The following GRID1 variants were observed in gnomAD, a reference collection of about 807,000 sequenced individuals.
The protein encoded by GRID1 is glutamate ionotropic receptor delta type subunit 1.
GRID1 carries 28 observed loss-of-function variants against 98.0 expected under a neutral mutation model. The ratio of observed to expected loss-of-function variants is 0.29; its 90% CI spans 0.21 to 0.39. The LOEUF is 0.39. Among genes scored for constraint, GRID1 ranks in the 10% least tolerant of loss-of-function variants. GRID1 has a pLI of 1.00. For missense variants in GRID1, 1,111 were observed against 1,340.5 expected (o/e 0.83, Z 2.67); for synonymous variants, 553 against 538.5 (o/e 1.03, Z -0.37).
At position 86,017,390 on chromosome 10, in the gene GRID1, A is replaced by T. The variant is rs565140331; in HGVS notation, c.727-101151T>A. Reference sequence around the variant, plus strand: ...AAAGAAGGCTGGACTACAGGGTCTCATGTTATATTTTAGTAAGCACTGACC... The same window carrying T: ...AAAGAAGGCTGGACTACAGGGTCTCTTGTTATATTTTAGTAAGCACTGACC... On this transcript the variant is annotated intron_variant, in intron 4 of 15. Coordinates refer to ENST00000327946, the MANE Select transcript of GRID1 (RefSeq NM_017551.3). 2.0e-5 allele frequency among the ~76,000 whole-genome samples: 3 copies of T among 152,324 alleles called. No individual in the cohort carries two copies. In the South Asian group the frequency reaches 6.2e-4, roughly 32 times the overall value.
At chr10:86,318,862 A>C (rs1847932889) in intron 2 of GRID1, among the ~76,000 whole-genome samples, 1 of 152,242 alleles carries the variant, frequency 6.6e-6, no homozygotes, top group South Asian at 2.1e-4. Context: ...CTAGCAGGAG[A>C]GAAAGCACTA....
intron 13 of GRID1, among the ~76,000 whole-genome samples, chr10:85,631,563 A>G (rs929468641): frequency 2.0e-5 from 3 of 152,236 alleles, no homozygotes; most frequent in African/African-American, 7.2e-5. Context: ...AAGGAAAAAG[A>G]AAAGTCCTAA....
intron 4 of GRID1, among the ~76,000 whole-genome samples, chr10:86,101,260 C>A (rs574430295): frequency 1.3e-5 from 2 of 152,284 alleles, no homozygotes; most frequent in South Asian, 2.1e-4. Context: ...ATTTATCACC[C>A]TAACTAGGAC....
chr10:86,289,013 A>G (rs1847474212), intron 2 of GRID1, among the ~76,000 whole-genome samples: 1 of 152,162 alleles, frequency 6.6e-6, no homozygotes, highest in South Asian at 2.1e-4. Context: ...ATATGTGTAG[A>G]CACCACTGTT....
intron 2 of GRID1, among the ~76,000 whole-genome samples, chr10:86,280,690 C>G (rs1847345744): frequency 6.6e-6 from 1 of 152,128 alleles, no homozygotes; most frequent in African/African-American, 2.4e-5. Context: ...CATGACCTGG[C>G]CCCCTACCTA....
chr10:85,834,050 G>T (rs902504855), intron 8 of GRID1, among the ~76,000 whole-genome samples: 2 of 152,166 alleles, frequency 1.3e-5, no homozygotes, highest in African/African-American at 4.8e-5. Context: ...CGAAGAGAAA[G>T]AGACTGAGGC....
intron 2 of GRID1, among the ~76,000 whole-genome samples, chr10:86,257,014 T>C (rs1846931146): frequency 2.0e-5 from 3 of 152,246 alleles, no homozygotes; most frequent in Admixed American, 2.0e-4. Context: ...TGCATCTCCC[T>C]AGCACTGATA....
Position 86,195,648 on chromosome 10 carries a change from G to A in GRID1, c.520+10716C>T, listed in dbSNP as rs1344082681. On this transcript the variant is annotated intron_variant, in intron 3 of 15. Transcript: ENST00000327946. This position sits in a 1 kb window ranked among gnomAD's most constrained non-coding sequence, Gnocchi z 4.4. ...TTGGCAGCAAACAAGCCCCCGCGGC[G>A]ACCACGCCATCAGGTGGGTAAGAGG... Among the ~76,000 whole-genome samples, 7 of 152,154 alleles carry A rather than the reference G, an allele frequency of 4.6e-5. 1 individual carries two copies. The highest frequency in any genetic ancestry group is 8.8e-5 in the Non-Finnish European group (6 of 67,992).
chr10:86,114,116 C>G lies in GRID1; in HGVS notation c.726+24703G>C, dbSNP rs555359098. Among the ~76,000 whole-genome samples, 11 of 152,110 alleles carry G rather than the reference C, an allele frequency of 7.2e-5. No homozygotes were observed. The East Asian group carries it at 2.1e-3, about 30-fold the overall frequency. Reference sequence around the variant, plus strand: ...CCCTGAAGGAGGGTGGGGCCTCATTCCCCAGCAGGGGCTCTCTGCACAGGG... The same window carrying G: ...CCCTGAAGGAGGGTGGGGCCTCATTGCCCAGCAGGGGCTCTCTGCACAGGG... On this transcript the variant is annotated intron_variant, in intron 4 of 15. Transcript: ENST00000327946.
At chr10:86,123,292 C>T (rs763130745) in intron 4 of GRID1, among the ~76,000 whole-genome samples, 7 of 152,170 alleles carry the variant, frequency 4.6e-5, no homozygotes, top group South Asian at 2.1e-4. Flanking sequence ...TGGAACCTAC[C>T]GGTGATGCTG....
At chr10:86,270,639 G>A (rs1365491643) in intron 2 of GRID1, among the ~76,000 whole-genome samples, 1 of 152,048 alleles carries the variant, frequency 6.6e-6, no homozygotes, top group Non-Finnish European at 1.5e-5. Flanking sequence ...GCAGTGAGCC[G>A]AGATTGTGCC....
At chr10:85,838,546 T>C (rs1438859844) in intron 8 of GRID1, among the ~76,000 whole-genome samples, 1 of 152,186 alleles carries the variant, frequency 6.6e-6, no homozygotes, top group African/African-American at 2.4e-5. Context: ...CAGAATTTCA[T>C]ATCCAGCCAA....
At chr10:86,067,626 C>T (rs765673013) in intron 4 of GRID1, among the ~76,000 whole-genome samples, 4 of 152,250 alleles carry the variant, frequency 2.6e-5, no homozygotes, top group Non-Finnish European at 4.4e-5. Context: ...CCTCCACCAC[C>T]GGGTGTGCCC....
At chr10:86,159,711 G>A (rs1356104233) in intron 3 of GRID1, among the ~76,000 whole-genome samples, 1 of 152,162 alleles carries the variant, frequency 6.6e-6, no homozygotes, top group Non-Finnish European at 1.5e-5. Context: ...CAGAGGCAGG[G>A]GGCACAGGGC....
At chr10:85,874,719 G>A (rs989234021) in intron 5 of GRID1, among the ~76,000 whole-genome samples, 1 of 152,198 alleles carries the variant, frequency 6.6e-6, no homozygotes, top group African/African-American at 2.4e-5. Flanking sequence ...CGTGTGGTCA[G>A]TTTGTACTAC....
rs191314972 is a variant in GRID1, at chr10:86,223,735, G to T, written c.236-17087C>A. 1.0e-4 allele frequency among the ~76,000 whole-genome samples: 16 copies of T among 152,386 alleles called. No homozygotes were observed. In the East Asian group the frequency reaches 3.1e-3, roughly 29 times the overall value. On this transcript the variant is annotated intron_variant, in intron 2 of 15. Transcript: ENST00000327946. ...AGCCCAGCTTGGGTCGGCTTTCCAAGAAGTGACTGAGGTAGCACAGACAGC... is the reference window on the plus strand; with the variant it reads ...AGCCCAGCTTGGGTCGGCTTTCCAATAAGTGACTGAGGTAGCACAGACAGC...
At chr10:85,981,931 G>C (rs1429450949) in intron 4 of GRID1, among the ~76,000 whole-genome samples, 1 of 152,212 alleles carries the variant, frequency 6.6e-6, no homozygotes. Flanking sequence ...GGTCAGGAAA[G>C]GCCTCTGTGA....
At chr10:86,217,495 G>A (rs1846191845) in intron 2 of GRID1, among the ~76,000 whole-genome samples, 1 of 152,212 alleles carries the variant, frequency 6.6e-6, no homozygotes, top group Admixed American at 6.5e-5. Flanking sequence ...AGTAGAGAGT[G>A]GAGGAGCTTG....
At chr10:85,943,234 A>C (rs1842017140) in intron 4 of GRID1, among the ~76,000 whole-genome samples, 1 of 152,216 alleles carries the variant, frequency 6.6e-6, no homozygotes, top group Non-Finnish European at 1.5e-5. Flanking sequence ...TTACAGAAAT[A>C]ACATTTGAGT....
Sources: allele counts gnomAD v4.1 joint callset (sites outside exome capture counted in the v4.1 genomes callset), GRCh38; gene constraint gnomAD v4.1.1; non-coding constraint Gnocchi (gnomAD v3.1); transcripts MANE v1.5; gene names NCBI Gene and HGNC (gene_info 2026-07-23, HGNC 2026-07-21).